Variants in RGS7 observed in about 807,000 individuals in gnomAD.
RGS7 encodes the protein regulator of G protein signaling 7.
RGS7 carries 27 observed loss-of-function variants against 81.1 expected under a neutral mutation model. That is an observed-to-expected ratio of 0.33 (90% CI 0.25 to 0.46). RGS7 has a LOEUF of 0.46. Ranked by LOEUF, RGS7 falls within the 20% of genes least tolerant of loss-of-function variation. The pLI is 1.00. For synonymous variants in RGS7, 208 were observed against 207.7 expected (o/e 1.00, Z -0.01); for missense variants, 396 against 607.4 (o/e 0.65, Z 3.66).
Position 240,870,043 on chromosome 1 carries a change from C to T in RGS7, c.450+12G>A, listed in dbSNP as rs756825630. ...CTATGACTATCTTTGCCAGAAGGTC[C>T]TTGGTACTTACAGCCTCATAGTCTG... On this transcript the variant is annotated intron_variant, in intron 7 of 18. Transcript: ENST00000440928. 1.9e-6 allele frequency: 3 copies of T among 1,612,940 alleles called. No homozygotes were observed. Among genetic ancestry groups the T allele is most frequent in the Non-Finnish European group, 2.5e-6 (3 of 1,178,934 alleles).
intron 3 of RGS7, among the ~76,000 whole-genome samples, chr1:241,019,008 G>A (rs2059411194): frequency 6.6e-6 from 1 of 152,062 alleles, no homozygotes; most frequent in Non-Finnish European, 1.5e-5. Flanking sequence ...CCTTTCCCCT[G>A]CGAAGGCCAT....
intron 3 of RGS7, among the ~76,000 whole-genome samples, chr1:241,060,874 G>A (rs918579828): frequency 6.6e-6 from 1 of 152,148 alleles, no homozygotes; most frequent in African/African-American, 2.4e-5. Context: ...GAAACACCTT[G>A]TAACTGACCC....
intron 5 of RGS7, among the ~76,000 whole-genome samples, chr1:240,932,512 A>ATTTT (rs1388590625): frequency 6.2e-5 from 1 of 16,096 alleles, no homozygotes; most frequent in Non-Finnish European, 1.1e-4. Flanking sequence ...GTAGGGTGTC[A>ATTTT]CTTTTTTTTT....
At chr1:241,331,483 TCA>T (rs989839626) in intron 2 of RGS7, among the ~76,000 whole-genome samples, 11 of 152,178 alleles carry the variant, frequency 7.2e-5, no homozygotes, top group African/African-American at 2.2e-4. Context: ...GCATAGTGAC[TCA>T]CATATGATAA....
intron 4 of RGS7, among the ~76,000 whole-genome samples, chr1:240,975,465 A>G (rs1683933322): frequency 1.3e-5 from 2 of 152,148 alleles, no homozygotes. Flanking sequence ...GATACCCAGG[A>G]GTGACAGCAA....
At chr1:241,102,731 A>C (rs188578158) in intron 2 of RGS7, among the ~76,000 whole-genome samples, 1 of 152,118 alleles carries the variant, frequency 6.6e-6, no homozygotes, top group Non-Finnish European at 1.5e-5. Flanking sequence ...CCTCCTAAGA[A>C]CCTCTGGGAA....
intron 2 of RGS7, among the ~76,000 whole-genome samples, chr1:241,302,372 A>G (rs2079822128): frequency 1.3e-5 from 2 of 152,116 alleles, no homozygotes; most frequent in Non-Finnish European, 2.9e-5. Flanking sequence ...ACACAGTGAA[A>G]CCCCGTTTCT....
rs114049093 is a variant in RGS7, at chr1:241,302,728, T to C, written c.78+52971A>G. ...GTGTACGTATGATTCAGTCTCAAAATTACTGATTCATGGTCATTACTGTTT... is the reference window on the plus strand; with the variant it reads ...GTGTACGTATGATTCAGTCTCAAAACTACTGATTCATGGTCATTACTGTTT... On this transcript the variant is annotated intron_variant, in intron 2 of 18. Transcript: ENST00000440928. Among the ~76,000 whole-genome samples, 859 of 152,286 alleles carry C rather than the reference T, an allele frequency of 5.6e-3. 6 individuals are homozygous for C. The highest frequency in any genetic ancestry group is 0.02 in the African/African-American group (821 of 41,566).
At chr1:240,991,792 A>G (rs182823765) in intron 3 of RGS7, among the ~76,000 whole-genome samples, 1 of 152,352 alleles carries the variant, frequency 6.6e-6, no homozygotes, top group African/African-American at 2.4e-5. Context: ...ATTAGAATAA[A>G]TTATTTATTA....
At chr1:241,236,751 G>A (rs888124170) in intron 2 of RGS7, among the ~76,000 whole-genome samples, 4 of 152,128 alleles carry the variant, frequency 2.6e-5, no homozygotes, top group South Asian at 2.1e-4. Flanking sequence ...ACTTGCAGCC[G>A]AGAAAGGTTA....
chr1:241,156,169 G>GATAGATAGATAGATAC (rs1475820224), intron 2 of RGS7, among the ~76,000 whole-genome samples: 3 of 142,752 alleles, frequency 2.1e-5, no homozygotes, highest in African/African-American at 7.5e-5. Flanking sequence ...TAGATAGATA[G>GATAGATAGATAGATAC]ATACATATAC....
chr1:241,049,595 C>A (rs1322236749), intron 3 of RGS7, among the ~76,000 whole-genome samples: 1 of 152,232 alleles, frequency 6.6e-6, no homozygotes, highest in East Asian at 1.9e-4. Context: ...TAATATATCC[C>A]AATGTTGTAG....
At chr1:241,151,006 G>A (rs1184871029) in intron 2 of RGS7, among the ~76,000 whole-genome samples, 3 of 152,186 alleles carry the variant, frequency 2.0e-5, no homozygotes, top group Non-Finnish European at 2.9e-5. Context: ...AAGAGAAGGT[G>A]AGCAAGAGTC....
At chr1:241,166,147 T>G (rs2070217216) in intron 2 of RGS7, among the ~76,000 whole-genome samples, 1 of 152,176 alleles carries the variant, frequency 6.6e-6, no homozygotes, top group Admixed American at 6.5e-5. Flanking sequence ...TTACACATAG[T>G]GGCCAGAAAA....
chr1:241,299,137 A>C (rs1573562522), intron 2 of RGS7, among the ~76,000 whole-genome samples: 3 of 152,242 alleles, frequency 2.0e-5, no homozygotes, highest in Non-Finnish European at 4.4e-5. Flanking sequence ...TAAATATAGA[A>C]TCAATCACAA....
At chr1:241,341,563 G>T (rs2082546326) in intron 2 of RGS7, among the ~76,000 whole-genome samples, 1 of 152,018 alleles carries the variant, frequency 6.6e-6, no homozygotes, top group South Asian at 2.1e-4. Context: ...GAAGGAAAAG[G>T]AAGGAAGAAA....
chr1:240,924,087 G>T (rs369646472), intron 6 of RGS7, among the ~76,000 whole-genome samples: 2 of 152,102 alleles, frequency 1.3e-5, no homozygotes, highest in East Asian at 1.9e-4. Context: ...CTTTGGATAT[G>T]GCAAGCTTTC....
chr1:241,118,429 T>C (rs1486138213), intron 2 of RGS7, among the ~76,000 whole-genome samples: 2 of 152,348 alleles, frequency 1.3e-5, no homozygotes, highest in South Asian at 2.1e-4. Context: ...TTAAAAATTA[T>C]TGAGAATCCC....
intron 2 of RGS7, among the ~76,000 whole-genome samples, chr1:241,309,574 T>G (rs997658022): frequency 5.3e-5 from 8 of 152,150 alleles, no homozygotes; most frequent in Admixed American, 5.2e-4. Context: ...GCATCTGACA[T>G]TTGCCACTCG....
Sources: allele counts gnomAD v4.1 joint callset (sites outside exome capture counted in the v4.1 genomes callset), GRCh38; gene constraint gnomAD v4.1.1; transcripts MANE v1.5; gene names NCBI Gene and HGNC (gene_info 2026-07-23, HGNC 2026-07-21).